CTIF: variants seen among roughly 807,000 people sequenced by gnomAD.
CTIF encodes the protein CBP80/20-dependent translation initiation factor.
CTIF carries 21 observed loss-of-function variants against 66.0 expected under a neutral mutation model. That is an observed-to-expected ratio of 0.32 (90% CI 0.23 to 0.46). The LOEUF (loss-of-function observed/expected upper bound fraction) is 0.46. CTIF is among the 20% of genes least tolerant of loss of function. The pLI, the probability that CTIF is intolerant of heterozygous loss-of-function variation, is 1.00. For synonymous variants in CTIF, 345 were observed against 326.4 expected, an observed-to-expected ratio of 1.06 and a Z score of -0.62; for missense variants, 739 against 812.7, an observed-to-expected ratio of 0.91 and a Z score of 1.10.
intron 10 of CTIF, among the ~76,000 whole-genome samples, chr18:48,841,199 A>G (rs1312496549): frequency 3.9e-5 from 6 of 152,318 alleles, no homozygotes; most frequent in African/African-American, 1.4e-4. Context: ...GCTTCTTCCC[A>G]GTCTCAGGGA....
At chr18:48,816,093 G>T (rs2068358150) in intron 9 of CTIF, among the ~76,000 whole-genome samples, 1 of 152,108 alleles carries the variant, frequency 6.6e-6, no homozygotes, top group African/African-American at 2.4e-5. Flanking sequence ...GTTGGTTGGG[G>T]GTCACCTGAC....
intron 1 of CTIF, among the ~76,000 whole-genome samples, chr18:48,615,244 G>A (rs893492661): frequency 1.3e-5 from 2 of 152,186 alleles, no homozygotes; most frequent in Admixed American, 6.5e-5. Context: ...AAAATTGGGG[G>A]CCTAAGTGCC....
intron 1 of CTIF, among the ~76,000 whole-genome samples, chr18:48,585,464 A>G (rs563835463): frequency 6.6e-6 from 1 of 152,184 alleles, no homozygotes; most frequent in Non-Finnish European, 1.5e-5. Context: ...TGCTGAAGCC[A>G]TTCAGAGGAT....
intron 10 of CTIF, among the ~76,000 whole-genome samples, chr18:48,831,981 G>C (rs2068701603): frequency 1.3e-5 from 2 of 152,128 alleles, no homozygotes; most frequent in African/African-American, 4.8e-5. Flanking sequence ...GGAATCCTCA[G>C]GCTTTTGGAG....
chr18:48,598,630 A>ATGAAACGG (rs1443662194), intron 1 of CTIF, among the ~76,000 whole-genome samples: 1 of 152,208 alleles, frequency 6.6e-6, no homozygotes, highest in African/African-American at 2.4e-5. Context: ...TCAGAGGGCC[A>ATGAAACGG]TGAAACGGTG....
intron 7 of CTIF, among the ~76,000 whole-genome samples, chr18:48,739,974 A>G (rs1408822549): frequency 1.3e-5 from 2 of 152,188 alleles, no homozygotes; most frequent in African/African-American, 4.8e-5. Flanking sequence ...TCTTAAGAGC[A>G]TGTCTCCTGT....
intron 6 of CTIF, among the ~76,000 whole-genome samples, chr18:48,698,030 A>G (rs1424614825): frequency 2.1e-5 from 3 of 145,644 alleles, no homozygotes; most frequent in African/African-American, 5.1e-5. Flanking sequence ...AGAGCCAGGA[A>G]CCATGTGGCA....
chr18:48,748,930 T>A (rs1159380630), intron 7 of CTIF, among the ~76,000 whole-genome samples: 1 of 152,168 alleles, frequency 6.6e-6, no homozygotes, highest in Non-Finnish European at 1.5e-5. Context: ...CATGAGAAAG[T>A]TCCTTCATTA....
chr18:48,650,686 G>T (rs1323703856), intron 3 of CTIF, among the ~76,000 whole-genome samples: 1 of 152,098 alleles, frequency 6.6e-6, no homozygotes, highest in Non-Finnish European at 1.5e-5. Flanking sequence ...ATTCACCAAG[G>T]TTGAAACGAA....
rs570770934 is a variant in CTIF at position 48,716,211 on chromosome 18, A to T, written c.584+4516A>T. ...CTGTGCCCGAGAATACGGGAAGTAT[A>T]GGGTGTGGCCCCTGCTCTCGAGGGC... On this transcript the variant is annotated intron_variant, in intron 7 of 11. Transcript: ENST00000256413. 7.2e-5 allele frequency among the ~76,000 whole-genome samples: 11 copies of T among 152,302 alleles called. No homozygotes were observed. The East Asian group carries it at 2.1e-3, about 29-fold the overall frequency.
intron 9 of CTIF, among the ~76,000 whole-genome samples, chr18:48,815,474 C>A (rs1239472316): frequency 2.6e-5 from 4 of 152,220 alleles, no homozygotes; most frequent in Non-Finnish European, 4.4e-5. Context: ...GTCTGGCTCA[C>A]AAATAGCAGC....
At chr18:48,794,685 G>A (rs778709842) in intron 9 of CTIF, among the ~76,000 whole-genome samples, 5 of 152,228 alleles carry the variant, frequency 3.3e-5, no homozygotes, top group Non-Finnish European at 7.3e-5. Flanking sequence ...GAAGGCAGGT[G>A]GGATCGAAGC....
chr18:48,626,888 C>T (rs2090614749), intron 2 of CTIF, among the ~76,000 whole-genome samples: 1 of 151,178 alleles, frequency 6.6e-6, no homozygotes, highest in African/African-American at 2.4e-5. Flanking sequence ...AACTCCTGAC[C>T]TCAGGTGATC....
chr18:48,807,373 A>G (rs763970210), intron 9 of CTIF, among the ~76,000 whole-genome samples: 24 of 152,314 alleles, frequency 1.6e-4, no homozygotes, highest in Non-Finnish European at 2.5e-4. Flanking sequence ...TTCAGAAAGT[A>G]ATGTAGAGAA....
intron 2 of CTIF, among the ~76,000 whole-genome samples, chr18:48,636,290 A>G (rs776561106): frequency 1.3e-5 from 2 of 152,190 alleles, no homozygotes; most frequent in African/African-American, 4.8e-5. Context: ...GCGGTCAAAC[A>G]TGGTGCTGGT....
intron 10 of CTIF, among the ~76,000 whole-genome samples, chr18:48,841,731 C>T (rs564426603): frequency 9.2e-5 from 14 of 152,230 alleles, no homozygotes; most frequent in African/African-American, 2.6e-4. Context: ...GCCTGGGAAG[C>T]GCTCACTGTC....
At chr18:48,815,595 G>A (rs2068346201) in intron 9 of CTIF, among the ~76,000 whole-genome samples, 2 of 152,164 alleles carry the variant, frequency 1.3e-5, no homozygotes, top group Admixed American at 1.3e-4. Flanking sequence ...ATAAGCTGTG[G>A]CCTAGGCTCA....
intron 1 of CTIF, among the ~76,000 whole-genome samples, chr18:48,613,712 C>T (rs950467794): frequency 7.9e-5 from 12 of 152,166 alleles, no homozygotes; most frequent in Admixed American, 2.0e-4. Flanking sequence ...AGAGAGCCTG[C>T]ATGCATCCCT....
chr18:48,642,751 T>G (rs1464624307), intron 3 of CTIF, among the ~76,000 whole-genome samples: 1 of 152,198 alleles, frequency 6.6e-6, no homozygotes, highest in Non-Finnish European at 1.5e-5. Context: ...ACATTAACAT[T>G]AAACAACCAA....
Sources: gnomAD v4.1 joint callset for allele counts (sites outside exome capture counted in the v4.1 genomes callset) on GRCh38, gnomAD v4.1.1 for gene constraint, MANE v1.5 for transcripts, NCBI Gene and HGNC (gene_info 2026-07-23, HGNC 2026-07-21) for gene names.